The following SMNDC1 variants were observed in gnomAD, a reference collection of about 807,000 sequenced individuals.
SMNDC1 encodes the protein survival of motor neuron-related-splicing factor 30.
Under a neutral mutation model 29.2 loss-of-function variants are expected in SMNDC1, and 5 were observed. The ratio of observed to expected loss-of-function variants is 0.17; its 90% CI spans 0.09 to 0.36. The LOEUF (loss-of-function observed/expected upper bound fraction) is 0.36. Ranked by LOEUF, SMNDC1 falls within the 10% of genes least tolerant of loss-of-function variation. The pLI, the probability that SMNDC1 is intolerant of heterozygous loss-of-function variation, is 1.00. For synonymous variants in SMNDC1, 80 were observed against 89.9 expected, an observed-to-expected ratio of 0.89 and a Z score of 0.62; for missense variants, 142 against 268.5, an observed-to-expected ratio of 0.53 and a Z score of 3.29.
chr10:110,303,322 C>T, intron 2 of SMNDC1, 146 bp downstream of exon 2: 1 of 612,316 alleles, frequency 1.6e-6, no homozygotes, highest in Non-Finnish European at 2.7e-6. Flanking sequence ...GGGAAGCAAC[C>T]CTACTTCTAC....
At chr10:110,296,975 A>T (rs1857571313) in intron 4 of SMNDC1, among the ~76,000 whole-genome samples, 1 of 152,232 alleles carries the variant, frequency 6.6e-6, no homozygotes, top group Non-Finnish European at 1.5e-5. Flanking sequence ...CAGATGAGGA[A>T]ACAGAGTTAA....
At chr10:110,300,303 T>C (rs555625183) in intron 2 of SMNDC1, among the ~76,000 whole-genome samples, 1 of 152,316 alleles carries the variant, frequency 6.6e-6, no homozygotes, top group Admixed American at 6.5e-5. Flanking sequence ...ATATATTTCA[T>C]CAAAGAAAAG....
At chr10:110,295,509 A>G (rs1291475853) in intron 4 of SMNDC1, 128 bp from the exon 5 acceptor site, 3 of 588,944 alleles carry the variant, frequency 5.1e-6, no homozygotes, top group Non-Finnish European at 8.2e-6. Flanking sequence ...AAAAAGTACT[A>G]AATCATTAAA....
chr10:110,298,875 C>T (rs993674937), intron 2 of SMNDC1, 85 bp from the exon 3 acceptor site: 28 of 957,358 alleles, frequency 2.9e-5, no homozygotes, highest in African/African-American at 3.3e-5. Flanking sequence ...TCATACTGTA[C>T]GTTAAGTACT....
intron 2 of SMNDC1, among the ~76,000 whole-genome samples, chr10:110,301,127 G>A (rs1036006816): frequency 6.6e-6 from 1 of 152,124 alleles, no homozygotes; most frequent in Non-Finnish European, 1.5e-5. Context: ...ACCATATGAT[G>A]GTCAAAAAAT....
chr10:110,299,726 C>T (rs1408217010), intron 2 of SMNDC1, among the ~76,000 whole-genome samples: 3 of 152,144 alleles, frequency 2.0e-5, no homozygotes, highest in Non-Finnish European at 4.4e-5. Flanking sequence ...CAAAGTTAAA[C>T]TATGTACTGA....
chr10:110,298,871 T>C, intron 2 of SMNDC1, 81 bp from the exon 3 acceptor site: 1 of 1,074,802 alleles, frequency 9.3e-7, no homozygotes, highest in Non-Finnish European at 1.4e-6. Flanking sequence ...GCCTTCATAC[T>C]GTACGTTAAG....
chr10:110,303,799 G>A, intron 1 of SMNDC1: 1 of 490,444 alleles, frequency 2.0e-6, no homozygotes, highest in Non-Finnish European at 3.5e-6. Context: ...ATAAACTTGA[G>A]ATACATTCCA....
chr10:110,295,501 A>C, intron 4 of SMNDC1, 120 bp from the exon 5 acceptor site: 1 of 643,964 alleles, frequency 1.6e-6, no homozygotes, highest in South Asian at 2.6e-5. Flanking sequence ...CTATGAATAA[A>C]AAGTACTAAA....
At chr10:110,299,674 G>C (rs1305680707) in intron 2 of SMNDC1, among the ~76,000 whole-genome samples, 1 of 152,160 alleles carries the variant, frequency 6.6e-6, no homozygotes, top group Non-Finnish European at 1.5e-5. Flanking sequence ...ACCCATTGTT[G>C]CATTTAAAAC....
intron 2 of SMNDC1, among the ~76,000 whole-genome samples, chr10:110,302,986 GGT>G (rs1408493433): frequency 6.6e-6 from 1 of 151,674 alleles, no homozygotes; most frequent in Non-Finnish European, 1.5e-5. Context: ...GCATTTTTGT[GGT>G]GTGTTTTCAA....
chr10:110,297,715 C>T lies in SMNDC1; in HGVS notation c.277G>A (p.Glu93Lys). The T allele has an allele frequency of 1.2e-6, 2 of 1,613,778 alleles. No individual in the cohort carries two copies. The highest frequency in any genetic ancestry group is 1.7e-6 in the Non-Finnish European group (2 of 1,179,812). ...WSEDGQCYEA[E>K]IEEIDEENGT... ...TTTTCTTCATCTATCTCCTCAATCT[C>T]CGCTTCATAACACCTGTAAAGATAT... Residue 93 changes from glutamate (E) to lysine (K), a missense_variant, in exon 4 of 6, where the codon GAG becomes AAG. Glu to Lys is a moderately conservative substitution (Grantham distance 56, BLOSUM62 1). Coordinates refer to ENST00000369603, the MANE Select transcript of SMNDC1 (RefSeq NM_005871.4).
intron 2 of SMNDC1, among the ~76,000 whole-genome samples, chr10:110,301,206 T>C (rs1234464588): frequency 6.9e-6 from 1 of 145,368 alleles, no homozygotes; most frequent in Non-Finnish European, 1.6e-5. Context: ...CTGAATTAAA[T>C]ACCCATAGCA....
chr10:110,302,533 A>C (rs1215530383), intron 2 of SMNDC1, among the ~76,000 whole-genome samples: 2 of 152,186 alleles, frequency 1.3e-5, no homozygotes, highest in Admixed American at 1.3e-4. Flanking sequence ...GATATCCCTA[A>C]AATAGTAATA....
intron 4 of SMNDC1, among the ~76,000 whole-genome samples, chr10:110,296,461 T>G (rs560129009): frequency 6.6e-6 from 1 of 152,358 alleles, no homozygotes; most frequent in Non-Finnish European, 1.5e-5. Context: ...TTTTGCATAT[T>G]CAAATATAAA....
At chr10:110,299,810 T>C (rs1444616166) in intron 2 of SMNDC1, among the ~76,000 whole-genome samples, 1 of 152,182 alleles carries the variant, frequency 6.6e-6, no homozygotes, top group Non-Finnish European at 1.5e-5. Context: ...AAATATTACC[T>C]CTCTCCTAAA....
chr10:110,295,229 T>C lies in SMNDC1; in HGVS notation c.578A>G (p.Gln193Arg). 6.3e-7 allele frequency: 1 copy of C among 1,587,288 alleles called. No homozygotes were observed. The highest frequency in any genetic ancestry group is 8.5e-7 in the Non-Finnish European group (1 of 1,173,258). Residue 193 changes from glutamine to arginine, a missense_variant and splice_region_variant, in exon 5 of 6, where the codon CAG becomes CGG. Transcript: ENST00000369603. ...NRAYSKNKKG[Q>R]VKRSIFASPE... ...CAAAGTGTAAAAAGATTTACCAACC[T>C]GGCCTTTTTTGTTTTTAGAATAGGC... is the stretch of plus-strand genomic sequence containing the variant.
chr10:110,300,049 C>T (rs1168218492), intron 2 of SMNDC1, among the ~76,000 whole-genome samples: 1 of 152,116 alleles, frequency 6.6e-6, no homozygotes, highest in South Asian at 2.1e-4. Context: ...ATAACTAGAT[C>T]AAGTAGTACA....
chr10:110,298,747 G>C lies in SMNDC1; in HGVS notation c.164C>G (p.Ser55Cys). The change falls in exon 3 of 6, where the codon TCT (serine) becomes TGT (cysteine). Residue 55 changes from serine to cysteine, a missense_variant. This residue lies in a region of SMNDC1 where 65 missense variants were observed against 75.9 expected (regional missense o/e 0.86). Transcript: ENST00000369603. ...ACTGTCTGAACTTGCAAGCGTCTCA[G>C]AAGGTTGAGTTGACAGAAGGTCTTT... is the stretch of plus-strand genomic sequence containing the variant. Reference protein sequence around the residue: ...LTKDLLSTQPSETLASSDSFA... With the variant: ...LTKDLLSTQPCETLASSDSFA... The C allele has an allele frequency of 1.2e-6, 2 of 1,613,718 alleles. No homozygotes were observed. Among genetic ancestry groups the C allele is most frequent in the Non-Finnish European group, 8.5e-7 (1 of 1,179,766 alleles).
Sources: allele counts gnomAD v4.1 joint callset (sites outside exome capture counted in the v4.1 genomes callset), GRCh38; gene constraint gnomAD v4.1.1; regional missense constraint gnomAD v4.1.1; transcripts MANE v1.5; gene names NCBI Gene and HGNC (gene_info 2026-07-23, HGNC 2026-07-21).